The following CEP152 variants were observed in gnomAD, a reference collection of about 807,000 sequenced individuals.
The protein encoded by CEP152 is centrosomal protein of 152 kDa.
A neutral mutation model predicts 188.9 loss-of-function variants in CEP152; 132 were observed. That is an observed-to-expected ratio of 0.70 (90% CI 0.61 to 0.81). The LOEUF is 0.81. CEP152 is among the 30% of genes least tolerant of loss of function. CEP152 has a pLI of 0.00. For synonymous variants in CEP152, 649 were observed against 666.6 expected, an observed-to-expected ratio of 0.97 and a Z score of 0.41; for missense variants, 1,914 against 1,969.8, an observed-to-expected ratio of 0.97 and a Z score of 0.54.
downstream of CEP152, among the ~76,000 whole-genome samples, chr15:48,737,773 T>C (rs549226962): frequency 6.6e-6 from 1 of 152,354 alleles, no homozygotes; most frequent in Non-Finnish European, 1.5e-5. Flanking sequence ...GAAAAGTCTA[T>C]GTAGATTAAG....
intron 2 of CEP152, among the ~76,000 whole-genome samples, chr15:48,804,428 C>G (rs560762734): frequency 9.9e-5 from 15 of 152,138 alleles, no homozygotes; most frequent in Admixed American, 3.3e-4. Context: ...ACTCATGGTC[C>G]ACAATAACTA....
chr15:48,788,863 C>T lies in CEP152; in HGVS notation c.1111G>A (p.Glu371Lys), dbSNP rs538717531. Residue 371 changes from glutamate to lysine, a missense_variant, in exon 9 of 27, where the codon GAA (glutamate) becomes AAA (lysine). By Grantham distance (56) the Glu-to-Lys change is moderately conservative. Coordinates refer to ENST00000380950, the MANE Select transcript of CEP152 (RefSeq NM_001194998.2). Reference sequence around the variant, plus strand: ...TTTTGTAAGGACAATACTTGCTCTTCGTACTTCTTTGTGAGGCCCATAACA... The same window carrying T: ...TTTTGTAAGGACAATACTTGCTCTTTGTACTTCTTTGTGAGGCCCATAACA... Reference protein sequence around the residue: ...SIVMGLTKKYEEQVLSLQKNL... With the variant: ...SIVMGLTKKYKEQVLSLQKNL... The T allele has an allele frequency of 3.0e-5, 49 of 1,614,192 alleles. No homozygotes were observed. The highest frequency in any genetic ancestry group is 3.8e-5 in the Non-Finnish European group (45 of 1,180,024).
intron 13 of CEP152, among the ~76,000 whole-genome samples, chr15:48,772,159 CCAA>C (rs1391094382): frequency 2.0e-4 from 30 of 152,252 alleles, no homozygotes; most frequent in Non-Finnish European, 4.1e-4. Context: ...CACCTGTAAT[CCAA>C]CACCTTGAGA....
chr15:48,781,285 G>C lies in CEP152; in HGVS notation c.1488C>G (p.Asp496Glu). 6.2e-7 allele frequency: 1 copy of C among 1,612,774 alleles called. No homozygotes were observed. Among genetic ancestry groups the C allele is most frequent in the Non-Finnish European group, 8.5e-7 (1 of 1,179,078 alleles). Reference sequence around the variant, plus strand: ...GTTCTATATTTAATTCTCCTTCTGAGTCACTTGGATGTATTCCTAGTTTTG... The same window carrying C: ...GTTCTATATTTAATTCTCCTTCTGACTCACTTGGATGTATTCCTAGTTTTG... ...SAAKLGIHPS[D>E]SEGELNIELT... Residue 496 changes from aspartate to glutamate, a missense_variant, in exon 12 of 27, where the codon GAC (aspartate) becomes GAG (glutamate). By Grantham distance (45) the Asp-to-Glu change is conservative. Transcript: ENST00000380950.
chr15:48,787,163 G>GTTATTTTTTTTT (rs1896698258), intron 9 of CEP152, among the ~76,000 whole-genome samples: 1 of 101,500 alleles, frequency 9.9e-6, no homozygotes, highest in Non-Finnish European at 1.9e-5. Flanking sequence ...TATAGCCTTC[G>GTTATTTTTTTTT]TTTTTTTTTT....
intron 2 of CEP152, among the ~76,000 whole-genome samples, chr15:48,803,401 A>C (rs1030486751): frequency 3.3e-5 from 5 of 152,254 alleles, no homozygotes; most frequent in Admixed American, 6.5e-5. Flanking sequence ...CAAAGTATAC[A>C]TACAGCTGAA....
At position 48,781,217 on chromosome 15, in the gene CEP152, CA is replaced by C. The variant is rs1459428870; in HGVS notation, c.1555del (p.Trp519GlyfsTer26). 6.2e-7 allele frequency: 1 copy of C among 1,613,314 alleles called. No homozygotes were observed. The highest frequency in any genetic ancestry group is 2.2e-5 in the East Asian group (1 of 44,718). On this transcript the variant is annotated frameshift_variant, in exon 12 of 27. Coordinates refer to ENST00000380950, the MANE Select transcript of CEP152 (RefSeq NM_001194998.2). LOFTEE classifies it high-confidence loss of function. Reference protein sequence around the residue: ...YVDLGIKKVNWKKSKVTSIVQ... With the variant: ...YVDLGIKKVNXKKSKVTSIVQ... ...ATACCTGGTAACTTTGGATTTTTTC[CA>C]GTTGACCTTTTTAATACCCAAATCC...
intron 17 of CEP152, 134 bp from the exon 18 acceptor site, chr15:48,762,806 G>A (rs1894787150): frequency 1.0e-5 from 9 of 892,548 alleles, no homozygotes; most frequent in Non-Finnish European, 1.4e-5. Context: ...ATTATAAAAG[G>A]TTTAGAAATT....
intron 24 of CEP152, among the ~76,000 whole-genome samples, chr15:48,743,899 T>C (rs150006412): frequency 6.6e-6 from 1 of 152,240 alleles, no homozygotes; most frequent in Non-Finnish European, 1.5e-5. Flanking sequence ...TAATAGTTAA[T>C]TGCTCATTTA....
intron 12 of CEP152, among the ~76,000 whole-genome samples, chr15:48,775,152 TATA>T (rs1278720845): frequency 2.0e-5 from 3 of 151,728 alleles, no homozygotes; most frequent in Non-Finnish European, 4.4e-5. Context: ...GAAACTGTAG[TATA>T]ATATCAAAAA....
Position 48,739,002 on chromosome 15 carries a change from A to C in CEP152, c.4380T>G (p.Val1460=). 6.2e-7 allele frequency: 1 copy of C among 1,614,180 alleles called. No individual in the cohort carries two copies. Among genetic ancestry groups the C allele is most frequent in the Non-Finnish European group, 8.5e-7 (1 of 1,180,014 alleles). The change falls in exon 27 of 27, where the codon GTT becomes GTG. Residue 1460 remains valine (V), a synonymous_variant. Coordinates refer to ENST00000380950, the MANE Select transcript of CEP152 (RefSeq NM_001194998.2). ...CTTCACAAGGAACAAACTCAGGAGA[A>C]ACATTCCTTGGCAAACTGTTTAGGT... The part of the protein sequence containing the change: ...CKHLNSLPRN[V]SPEFVPCEGE...
chr15:48,739,278 TA>T lies in CEP152; in HGVS notation c.4103del (p.Leu1368GlnfsTer6). ...TAACTGCAATCAGCATCTCTGAAGT[TA>T]GGGGCAGTGCTATTATGTGCAAGGA... is the stretch of plus-strand genomic sequence containing the variant. ...QSKTTQSALP[L>X]TSEMLIAVKK... On this transcript the variant is annotated frameshift_variant, in exon 27 of 27. Transcript: ENST00000380950. LOFTEE classifies it low-confidence loss of function (END_TRUNC). 1.2e-6 allele frequency: 2 copies of T among 1,613,174 alleles called. No individual in the cohort carries two copies. The highest frequency in any genetic ancestry group is 1.7e-6 in the Non-Finnish European group (2 of 1,179,844).
rs1895285535 is a variant in CEP152, at chr15:48,768,453, AT to A, written c.1909-126del. ...CCCCTATAACAATATTTGACATATTATTTTTACAATTCTGCAAAAGAAAAAG... is the reference window on the plus strand; with the variant it reads ...CCCCTATAACAATATTTGACATATTATTTTACAATTCTGCAAAAGAAAAAG... On this transcript the variant is annotated intron_variant, in intron 14 of 26. Transcript: ENST00000380950. The A allele has an allele frequency of 9.3e-5, 58 of 621,282 alleles. No homozygotes were observed. The South Asian group carries it at 1.1e-3, about 12-fold the overall frequency. 38.5% of individuals were successfully genotyped at this position (621,282 alleles called of 1,614,324 possible).
intron 19 of CEP152, among the ~76,000 whole-genome samples, chr15:48,756,859 C>T (rs1016675932): frequency 1.2e-4 from 19 of 152,032 alleles, no homozygotes; most frequent in African/African-American, 4.6e-4. Flanking sequence ...CAGATACAAT[C>T]TCAAATTTTA....
chr15:48,741,247 A>C, intron 26 of CEP152: 7 of 1,127,302 alleles, frequency 6.2e-6, no homozygotes, highest in Non-Finnish European at 7.6e-6. Context: ...CTCCCACCTC[A>C]GCCTCCCAAA....
In CEP152 at chr15:48,768,979, G is replaced by C. The variant is rs770905577; in HGVS notation, c.1885C>G (p.Gln629Glu). 1.3e-5 allele frequency: 21 copies of C among 1,566,812 alleles called. No homozygotes were observed. Among genetic ancestry groups the C allele is most frequent in the Non-Finnish European group, 1.8e-5 (21 of 1,142,168 alleles). The change falls in exon 14 of 27, where the codon CAA becomes GAA. Residue 629 changes from glutamine to glutamate, a missense_variant. By Grantham distance (29) the Gln-to-Glu change is conservative (BLOSUM62 2). Coordinates refer to ENST00000380950, the MANE Select transcript of CEP152 (RefSeq NM_001194998.2). ...DDILLLKNEI[Q>E]VLQQQNQELK... is the part of the protein sequence containing the mutation. Reference sequence around the variant, plus strand: ...ACCTGATTTTGTTGTTGTAAAACTTGAATTTCATTTTTAAGCAGCAGAATA... The same window carrying C: ...ACCTGATTTTGTTGTTGTAAAACTTCAATTTCATTTTTAAGCAGCAGAATA...
rs745375941 is a variant in CEP152, at chr15:48,739,085, GC to G, written c.4296del (p.Lys1432AsnfsTer22). 5.0e-6 allele frequency: 8 copies of G among 1,614,180 alleles called. No individual in the cohort carries two copies. The South Asian group carries it at 8.8e-5, about 18-fold the overall frequency. On this transcript the variant is annotated frameshift_variant, in exon 27 of 27. Transcript: ENST00000380950. LOFTEE classifies it low-confidence loss of function (END_TRUNC). ...AAATGTGTCTCTTTGGATCCCACAT[GC>G]TTTATGCTCTGATGCTCTGAGTTCT... is the stretch of plus-strand genomic sequence containing the variant. ...LLENSEHQSI[K>X]HVGSKETHLE...
chr15:48,793,313 C>T lies in CEP152; in HGVS notation c.832+8G>A. The T allele has an allele frequency of 6.2e-7, 1 of 1,613,674 alleles. No individual in the cohort carries two copies. Among genetic ancestry groups the T allele is most frequent in the East Asian group, 2.2e-5 (1 of 44,768 alleles). ...GTACCTCATAAATGACAGCATCCAG[C>T]ATCTTACCTTTTATTATTACAAGCT... On this transcript the variant is annotated splice_region_variant and intron_variant, in intron 7 of 26. Transcript: ENST00000380950.
chr15:48,758,133 A>C (rs1894411229), intron 19 of CEP152, among the ~76,000 whole-genome samples: 4 of 152,240 alleles, frequency 2.6e-5, no homozygotes, highest in Non-Finnish European at 4.4e-5. Context: ...GTATTTTTTA[A>C]AGATCCTCAA....
Sources: gnomAD v4.1 joint callset for allele counts (sites outside exome capture counted in the v4.1 genomes callset) on GRCh38, gnomAD v4.1.1 for gene constraint, MANE v1.5 for transcripts, NCBI Gene and HGNC (gene_info 2026-07-23, HGNC 2026-07-21) for gene names.